Variants in SLC35H1 observed in about 807,000 individuals in gnomAD.
SLC35H1 encodes solute carrier family 35 member H1.
chr20:46,352,054 A>T, the SLC35H1 span: 1 of 1,614,060 alleles, frequency 6.2e-7, no homozygotes, highest in South Asian at 1.1e-5. Context: ...TCTGTACCTT[A>T]AAAATGCCGG....
chr20:46,356,131 C>T, the SLC35H1 span, among the ~76,000 whole-genome samples: 8 of 152,242 alleles, frequency 5.3e-5, no homozygotes, highest in Non-Finnish European at 8.8e-5. Context: ...AGCCCAGGAG[C>T]GGGAAGGAAG....
At chr20:46,356,965 CA>C in the SLC35H1 span, among the ~76,000 whole-genome samples, 1 of 12,136 alleles carries the variant, frequency 8.2e-5, no homozygotes, top group African/African-American at 9.4e-5. Context: ...CAGGATGGAA[CA>C]CAAACTCCTC....
chr20:46,355,457 G>T, the SLC35H1 span: 1 of 643,348 alleles, frequency 1.6e-6, no homozygotes, highest in Non-Finnish European at 2.7e-6. This position sits in a 1 kb window ranked among gnomAD's most constrained non-coding sequence, Gnocchi z 4.8. Context: ...AGCCCTGCTT[G>T]CTCTGCCACA....
At chr20:46,350,116 A>C in the SLC35H1 span, 18 of 267,660 alleles carry the variant, frequency 6.7e-5, no homozygotes, top group South Asian at 1.4e-4. Flanking sequence ...GAGCCTGGGA[A>C]GTGGTGGGAA....
chr20:46,348,514 G>A, the SLC35H1 span: 1 of 152,214 alleles, frequency 6.6e-6, no homozygotes, highest in East Asian at 1.9e-4. Context: ...CTTTAATCTT[G>A]GCCTCTGAGC....
chr20:46,352,148 A>ATC, the SLC35H1 span: 6 of 1,614,224 alleles, frequency 3.7e-6, no homozygotes, highest in South Asian at 6.6e-5. Context: ...CCCGCCAAGG[A>ATC]AGAGGCTCCC....
At chr20:46,358,202 G>C in the SLC35H1 span, among the ~76,000 whole-genome samples, 3 of 152,184 alleles carry the variant, frequency 2.0e-5, no homozygotes, top group East Asian at 5.8e-4. Context: ...GGTTTCCCTG[G>C]ATCCAAACAC....
the SLC35H1 span, chr20:46,358,773 A>C: frequency 6.8e-7 from 1 of 1,465,458 alleles, no homozygotes; most frequent in Non-Finnish European, 9.3e-7. Context: ...GCTGCTGGGG[A>C]AAAAGGGCCG....
chr20:46,351,632 A>T, the SLC35H1 span, among the ~76,000 whole-genome samples: 3 of 152,356 alleles, frequency 2.0e-5, no homozygotes, highest in Admixed American at 2.0e-4. Context: ...GCCTTGGAGG[A>T]CACCGCCAGT....
chr20:46,351,365 C>A, the SLC35H1 span, among the ~76,000 whole-genome samples: 1 of 152,250 alleles, frequency 6.6e-6, no homozygotes, highest in Non-Finnish European at 1.5e-5. Flanking sequence ...CATGCCTCAG[C>A]ATGCGGCTGG....
the SLC35H1 span, chr20:46,355,682 T>C: frequency 6.9e-7 from 1 of 1,451,774 alleles, no homozygotes; most frequent in Non-Finnish European, 9.4e-7. This position sits in a 1 kb window ranked among gnomAD's most constrained non-coding sequence, Gnocchi z 4.8. Context: ...AGGGATCTAC[T>C]GCCACCTGGA....
At chr20:46,355,080 A>G in the SLC35H1 span, 1 of 1,614,102 alleles carries the variant, frequency 6.2e-7, no homozygotes, top group Non-Finnish European at 8.5e-7. This position sits in a 1 kb window ranked among gnomAD's most constrained non-coding sequence, Gnocchi z 4.8. Flanking sequence ...CACCGAGTTC[A>G]GCCTTCTGCA....
chr20:46,350,904 A>G, the SLC35H1 span: 10 of 1,613,160 alleles, frequency 6.2e-6, no homozygotes, highest in African/African-American at 1.1e-4. Context: ...GGGGCAGAGA[A>G]GCAGGAGGGA....
At chr20:46,357,708 C>T in the SLC35H1 span, 10 of 1,614,144 alleles carry the variant, frequency 6.2e-6, no homozygotes, top group African/African-American at 1.2e-4. Flanking sequence ...GCGCCCTGGA[C>T]AGGGCGGAGA....
the SLC35H1 span, among the ~76,000 whole-genome samples, chr20:46,359,819 C>G: frequency 4.6e-3 from 701 of 152,340 alleles, 1 homozygote; most frequent in Middle Eastern, 0.017. Context: ...CCACCTTCTT[C>G]TCGAAGCCTT....
chr20:46,350,769 T>C, the SLC35H1 span: 1 of 1,614,078 alleles, frequency 6.2e-7, no homozygotes, highest in Non-Finnish European at 8.5e-7. Flanking sequence ...ACCTCTGGAA[T>C]GCAGGGCTTT....
At chr20:46,356,632 C>A in the SLC35H1 span, 3 of 1,613,764 alleles carry the variant, frequency 1.9e-6, no homozygotes, top group Non-Finnish European at 2.5e-6. Context: ...AGCGCCGTCG[C>A]CAGAGCTGTG....
the SLC35H1 span, chr20:46,350,770 G>A: frequency 6.2e-7 from 1 of 1,614,104 alleles, no homozygotes; most frequent in Admixed American, 1.7e-5. Context: ...CCTCTGGAAT[G>A]CAGGGCTTTG....
the SLC35H1 span, chr20:46,355,401 C>A: frequency 1.3e-6 from 1 of 768,576 alleles, no homozygotes; most frequent in Non-Finnish European, 2.1e-6. The surrounding 1 kb of genome is among the most constrained non-coding windows in gnomAD (Gnocchi z 4.8). Context: ...CAGTCCTTGC[C>A]CACCAATGTC....
Sources: gnomAD v4.1 joint callset for allele counts (sites outside exome capture counted in the v4.1 genomes callset) on GRCh38, gnomAD v4.1.1 for gene constraint, Gnocchi (gnomAD v3.1) non-coding constraint, MANE v1.5 for transcripts, NCBI Gene and HGNC (gene_info 2026-07-23, HGNC 2026-07-21) for gene names.